The following ZBED1 variants were observed in gnomAD, a reference collection of about 807,000 sequenced individuals.
ZBED1 encodes E3 SUMO-protein ligase ZBED1.
ZBED1 carries 19 observed loss-of-function variants against 49.7 expected under a neutral mutation model. The ratio of observed to expected loss-of-function variants is 0.38; its 90% CI spans 0.27 to 0.56. ZBED1 has a LOEUF of 0.56. ZBED1 is among the 20% of genes least tolerant of loss of function. The pLI, the probability that ZBED1 is intolerant of heterozygous loss-of-function variation, is 0.70. For synonymous variants in ZBED1, 439 were observed against 440.3 expected, an observed-to-expected ratio of 1.00 and a Z score of 0.04; for missense variants, 806 against 972.6, an observed-to-expected ratio of 0.83 and a Z score of 2.28.
At chrX:2,499,179 C>A (rs1423330577) in intron 1 of ZBED1, among the ~76,000 whole-genome samples, 1 of 152,034 alleles carries the variant, frequency 6.6e-6, no homozygotes. Flanking sequence ...AATAAGGCAC[C>A]CAAGCGCTTC....
chrX:2,497,225 T>G (rs1481329495), intron 1 of ZBED1, among the ~76,000 whole-genome samples: 1 of 151,990 alleles, frequency 6.6e-6, no homozygotes, highest in Non-Finnish European at 1.5e-5. Flanking sequence ...AGAAACCCCA[T>G]CTCACTAAAA....
In ZBED1 at chrX:2,489,811, G is replaced by C; in HGVS notation, c.909C>G (p.Phe303Leu). The C allele has an allele frequency of 1.9e-6, 3 of 1,613,588 alleles. No individual in the cohort carries two copies. Among genetic ancestry groups the C allele is most frequent in the South Asian group, 2.2e-5 (2 of 91,058 alleles). Residue 303 changes from phenylalanine to leucine, a missense_variant, in exon 2 of 2, where the codon TTC becomes TTG. Around this residue, in one of 2 missense-constraint regions of ZBED1, gnomAD observed 749 missense variants for 861.3 expected, o/e 0.87. Transcript: ENST00000652001. ...HTFNAGIQQAFQLPKLGALLS... is the reference protein window; with the variant it reads ...HTFNAGIQQALQLPKLGALLS... ...GCAGCGCCCCCAGCTTCGGGAGCTG[G>C]AAGGCCTGCTGGATGCCGGCATTGA...
chrX:2,493,393 T>C (rs1339677185), intron 1 of ZBED1, among the ~76,000 whole-genome samples: 1 of 152,070 alleles, frequency 6.6e-6, no homozygotes, highest in African/African-American at 2.4e-5. Flanking sequence ...CATTCCATTA[T>C]TATTATTTGT....
In ZBED1 at chrX:2,489,218, G is replaced by A. The variant is rs753387677; in HGVS notation, c.1502C>T (p.Ala501Val). 2 of 1,613,844 alleles carry A rather than the reference G, an allele frequency of 1.2e-6. No homozygotes were observed. Among genetic ancestry groups the A allele is most frequent in the South Asian group, 2.2e-5 (2 of 91,078 alleles). The change falls in exon 2 of 2, where the codon GCC (alanine) becomes GTC (valine). Residue 501 changes from alanine (A) to valine (V), a missense_variant. Ala to Val is a moderately conservative substitution (Grantham distance 64, BLOSUM62 0). Around this residue, in one of 2 missense-constraint regions of ZBED1, gnomAD observed 749 missense variants for 861.3 expected, o/e 0.87. Transcript: ENST00000652001. ...TTTGACCTTGTCCAGCAGGCCCTTG[G>A]CCTCTTCCACCACGCGATTCTCCAC... ...QQVENRVVEE[A>V]KGLLDKVKDG...
Position 2,490,667 on chromosome X carries a change from T to C in ZBED1, c.53A>G (p.His18Arg). Residue 18 changes from histidine (H) to arginine (R), a missense_variant, in exon 2 of 2, where the codon CAC becomes CGC. His to Arg is a conservative substitution (Grantham distance 29, BLOSUM62 0). This residue lies in a region of ZBED1 where 57 missense variants were observed against 111.3 expected (regional missense o/e 0.51). Coordinates refer to ENST00000652001, the MANE Select transcript of ZBED1 (RefSeq NM_001171136.2). ...CCACACCTTGCTCTTGGCGCGGGGG[T>C]GGGCCACCAGCTTCAGGTCTGTCTG... Reference protein sequence around the residue: ...SSQTDLKLVAHPRAKSKVWKY... With the variant: ...SSQTDLKLVARPRAKSKVWKY... 1 of 1,613,740 alleles carries C rather than the reference T, an allele frequency of 6.2e-7. No homozygotes were observed. Among genetic ancestry groups the C allele is most frequent in the Non-Finnish European group, 8.5e-7 (1 of 1,179,818 alleles).
chrX:2,494,566 TTTA>T (rs2045235636), intron 1 of ZBED1, among the ~76,000 whole-genome samples: 1 of 151,870 alleles, frequency 6.6e-6, no homozygotes, highest in Admixed American at 6.6e-5. Context: ...AAGTTTATAT[TTTA>T]TTATTATTAT....
Position 2,490,246 on chromosome X carries a change from G to C in ZBED1, c.474C>G (p.Pro158=), listed in dbSNP as rs751965462. Residue 158 remains proline, a synonymous_variant, in exon 2 of 2, where the codon CCC becomes CCG. Transcript: ENST00000652001. ...ACTTCCGGCTGGGCAGCTCATACCG[G>C]GGGTCGGCCGTCTTCAGCAGCACCT... is the stretch of plus-strand genomic sequence containing the variant. ...TFKVLLKTAD[P]RYELPSRKYI... is the part of the protein sequence containing the mutation. 6 of 1,613,800 alleles carry C rather than the reference G, an allele frequency of 3.7e-6. No homozygotes were observed. The highest frequency in any genetic ancestry group is 3.3e-5 in the Admixed American group (2 of 60,004).
In ZBED1 at chrX:2,490,443, C is replaced by T; in HGVS notation, c.277G>A (p.Ala93Thr). 1.9e-6 allele frequency: 3 copies of T among 1,613,818 alleles called. No homozygotes were observed. Among genetic ancestry groups the T allele is most frequent in the East Asian group, 2.2e-5 (1 of 44,864 alleles). Reference sequence around the variant, plus strand: ...GACTCGGGCTTCAGCTTGGAGAAGGCGGTGGCGAAGGCTTCACGCATCTGC... The same window carrying T: ...GACTCGGGCTTCAGCTTGGAGAAGGTGGTGGCGAAGGCTTCACGCATCTGC... Reference protein sequence around the residue: ...TEQMREAFATAFSKLKPESSQ... With the variant: ...TEQMREAFATTFSKLKPESSQ... The change falls in exon 2 of 2, where the codon GCC (alanine) becomes ACC (threonine). Residue 93 changes from alanine (A) to threonine (T), a missense_variant. Ala to Thr is a moderately conservative substitution (Grantham distance 58, BLOSUM62 0). Transcript: ENST00000652001.
intron 1 of ZBED1, among the ~76,000 whole-genome samples, chrX:2,497,960 C>T (rs997535177): frequency 1.8e-4 from 27 of 152,072 alleles, no homozygotes; most frequent in African/African-American, 5.3e-4. Flanking sequence ...CTGAATGGGC[C>T]GCATGGATAT....
rs1437804049 is a variant in ZBED1, at chrX:2,489,661, C to A, written c.1059G>T (p.Trp353Cys). 6.2e-7 allele frequency: 1 copy of A among 1,612,384 alleles called. No individual in the cohort carries two copies. The highest frequency in any genetic ancestry group is 8.5e-7 in the Non-Finnish European group (1 of 1,179,768). Residue 353 changes from tryptophan (W) to cysteine (C), a missense_variant, in exon 2 of 2, where the codon TGG (tryptophan) becomes TGT (cysteine). Trp to Cys is a radical substitution (Grantham distance 215). Transcript: ENST00000652001. Reference sequence around the variant, plus strand: ...GCAGCATGGCCAGCGTGCTCCCCCACCAGGAGACGCGGTTGCTCACCAGCA... The same window carrying A: ...GCAGCATGGCCAGCGTGCTCCCCCAACAGGAGACGCGGTTGCTCACCAGCA... ...HCMLVSNRVS[W>C]WGSTLAMLQR...
intron 1 of ZBED1, among the ~76,000 whole-genome samples, chrX:2,491,508 C>T (rs922044213): frequency 1.3e-5 from 2 of 151,550 alleles, no homozygotes; most frequent in Non-Finnish European, 2.9e-5. Context: ...CCAGGCAGAC[C>T]CCCCACTGCC....
intron 1 of ZBED1, among the ~76,000 whole-genome samples, chrX:2,493,873 G>A (rs959282095): frequency 2.6e-5 from 4 of 152,126 alleles, no homozygotes; most frequent in Non-Finnish European, 5.9e-5. Context: ...TCGGGAGGCT[G>A]AGGCACGAGA....
chrX:2,487,387 C>G lies in ZBED1; in HGVS notation c.*1248G>C, dbSNP rs1305022093. 1.3e-5 allele frequency: 2 copies of G among 151,914 alleles called. No individual in the cohort carries two copies. The highest frequency in any genetic ancestry group is 2.9e-5 in the Non-Finnish European group (2 of 67,996). 9.4% of individuals were successfully genotyped at this position (151,914 alleles called of 1,614,324 possible). A position where few individuals can be genotyped will look rare whatever the true frequency, so the allele number is the denominator to read the frequency against. ...CACCCACTTTTGTTTTGTTTTGAGA[C>G]GGAGTCTCACTCTGGCCTCCAGGCT... On this transcript the variant is annotated 3_prime_UTR_variant, in exon 2 of 2. Coordinates refer to ENST00000652001, the MANE Select transcript of ZBED1 (RefSeq NM_001171136.2).
Position 2,489,319 on chromosome X carries a change from CAT to C in ZBED1, c.1399_1400del (p.Met467ValfsTer50). The C allele has an allele frequency of 6.2e-7, 1 of 1,613,918 alleles. No individual in the cohort carries two copies. On this transcript the variant is annotated frameshift_variant, in exon 2 of 2. Transcript: ENST00000652001. LOFTEE classifies it high-confidence loss of function. ...CCAGGAAGGTGGCCACGTTGAGAAA[CAT>C]GTCGATCTCGGGCGTCTCCTGGTAG... ...KTYQETPEID[M>X]FLNVATFLDP...
At chrX:2,500,654 G>GCCCCCCCCCCCCCCCC (rs546772121) in intron 1 of ZBED1, 163 bp downstream of exon 1, 1 of 126,696 alleles carries the variant, frequency 7.9e-6, no homozygotes, top group Non-Finnish European at 1.7e-5. Context: ...CGCGCACGCC[G>GCCCCCCCCCCCCCCCC]CCCCCCCCCC....
In ZBED1 at chrX:2,489,119, C is replaced by T. The variant is rs763127290; in HGVS notation, c.1601G>A (p.Arg534Gln). The T allele has an allele frequency of 2.0e-5, 32 of 1,613,518 alleles. No individual in the cohort carries two copies. In the Admixed American group the frequency reaches 2.3e-4, roughly 12 times the overall value. ...PEEPPVKKLM[R>Q]TSTPPPASVI... ...GCTGGCGGGCGGCGGCGTGGATGTC[C>T]GCATGAGCTTCTTGACGGGAGGCTC... The change falls in exon 2 of 2, where the codon CGG (arginine) becomes CAG (glutamine). Residue 534 changes from arginine to glutamine, a missense_variant. Transcript: ENST00000652001.
Position 2,489,479 on chromosome X carries a change from G to A in ZBED1, c.1241C>T (p.Ser414Phe), listed in dbSNP as rs946127824. Reference protein sequence around the residue: ...FKQVAEMLSASRYPTISMVKP... With the variant: ...FKQVAEMLSAFRYPTISMVKP... ...CACCATGCTGATGGTGGGGTACCTG[G>A]AGGCCGACAGCATCTCGGCCACCTG... The change falls in exon 2 of 2, where the codon TCC becomes TTC. Residue 414 changes from serine (S) to phenylalanine (F), a missense_variant. Coordinates refer to ENST00000652001, the MANE Select transcript of ZBED1 (RefSeq NM_001171136.2). The A allele has an allele frequency of 1.9e-6, 3 of 1,613,760 alleles. 1 individual carries two copies. The highest frequency in any genetic ancestry group is 3.3e-5 in the Admixed American group (2 of 60,008).
At chrX:2,499,761 T>A (rs2032066800) in intron 1 of ZBED1, among the ~76,000 whole-genome samples, 1 of 151,728 alleles carries the variant, frequency 6.6e-6, no homozygotes, top group Non-Finnish European at 1.5e-5. Flanking sequence ...AATTAAAACA[T>A]TAGACAGGTG....
Position 2,490,537 on chromosome X carries a change from G to A in ZBED1, c.183C>T (p.Ser61=). The A allele has an allele frequency of 6.2e-7, 1 of 1,614,002 alleles. No individual in the cohort carries two copies. The highest frequency in any genetic ancestry group is 8.5e-7 in the Non-Finnish European group (1 of 1,179,876). ...TCTTCTCCAGGTGGTAGGACAGGTT[G>A]GAGGTGTTTCCGGAGTAGGCGATCT... is the stretch of plus-strand genomic sequence containing the variant. The part of the protein sequence containing the change: ...MAQIAYSGNT[S]NLSYHLEKNH... The change falls in exon 2 of 2, where the codon TCC becomes TCT. Residue 61 remains serine (S), a synonymous_variant. Coordinates refer to ENST00000652001, the MANE Select transcript of ZBED1 (RefSeq NM_001171136.2).
Sources: gnomAD v4.1 joint callset for allele counts (sites outside exome capture counted in the v4.1 genomes callset) on GRCh38, gnomAD v4.1.1 for gene constraint, gnomAD v4.1.1 regional missense constraint, MANE v1.5 for transcripts, NCBI Gene and HGNC (gene_info 2026-07-23, HGNC 2026-07-21) for gene names.